The following PLD2 variants were observed in gnomAD, a reference collection of about 807,000 sequenced individuals.
The protein encoded by PLD2 is phospholipase D2.
In PLD2, 101 loss-of-function variants were observed where a neutral mutation model predicts 119.8. That is an observed-to-expected ratio of 0.84 (90% CI 0.72 to 0.99). The LOEUF (loss-of-function observed/expected upper bound fraction) is 0.99. Among genes scored for constraint, PLD2 ranks in the 50% least tolerant of loss-of-function variants. The probability of loss-of-function intolerance (pLI) is 0.00; values close to 1 mark genes in which losing one functional copy is unlikely to be tolerated. For synonymous variants in PLD2, 494 were observed against 482.8 expected, an observed-to-expected ratio of 1.02 and a Z score of -0.30; for missense variants, 1,164 against 1,226.8, an observed-to-expected ratio of 0.95 and a Z score of 0.76.
At chr17:4,812,585 A>G (rs1270125553) in intron 10 of PLD2, among the ~76,000 whole-genome samples, 2 of 152,008 alleles carry the variant, frequency 1.3e-5, no homozygotes, top group Admixed American at 1.3e-4. Context: ...GAGCCACTGC[A>G]CCTGGCTATA....
intron 23 of PLD2, among the ~76,000 whole-genome samples, chr17:4,820,180 GTGATCCACCCA>G (rs1907503910): frequency 6.6e-6 from 1 of 151,916 alleles, no homozygotes; most frequent in African/African-American, 2.4e-5. Context: ...CCGACCTCAG[GTGATCCACCCA>G]CTTCAGCATT....
intron 23 of PLD2, among the ~76,000 whole-genome samples, chr17:4,820,261 T>C (rs72835006): frequency 6.8e-6 from 1 of 147,970 alleles, no homozygotes; most frequent in East Asian, 2.0e-4. Context: ...AGAAATCTTT[T>C]TTGTTGTTGT....
chr17:4,815,239 G>T lies in PLD2; in HGVS notation c.1174-237G>T, dbSNP rs114678217. Among the ~76,000 whole-genome samples the T allele has an allele frequency of 3.4e-3, 520 of 152,182 alleles. 6 individuals carry two copies. Among genetic ancestry groups the T allele is most frequent in the African/African-American group, 0.012 (497 of 41,510 alleles). On this transcript the variant is annotated intron_variant, in intron 12 of 24. Transcript: ENST00000263088. ...CATAAAGGGATGAGTAAATGCTTGG[G>T]AAGATGGATGGATGGATGATGAAGG... is the stretch of plus-strand genomic sequence containing the variant.
chr17:4,811,512 G>A (rs1183375316), intron 10 of PLD2, among the ~76,000 whole-genome samples: 7 of 151,878 alleles, frequency 4.6e-5, no homozygotes, highest in Non-Finnish European at 1.0e-4. Flanking sequence ...TCCTGACCTC[G>A]GGTGATCCGC....
At position 4,823,146 on chromosome 17, in the gene PLD2, G is replaced by T. The variant is rs889841166; in HGVS notation, c.*282G>T. On this transcript the variant is annotated 3_prime_UTR_variant, in exon 25 of 25. Coordinates refer to ENST00000263088, the MANE Select transcript of PLD2 (RefSeq NM_002663.5). ...GCTGCAAAGGAGAAGCACAGCTCCT[G>T]CCAGGGTGAGCAGGGTCAAGCCTCT... 8.3e-6 allele frequency: 3 copies of T among 361,572 alleles called. No homozygotes were observed. Among genetic ancestry groups the T allele is most frequent in the Non-Finnish European group, 1.5e-5 (3 of 200,108 alleles). The allele number at this position is 361,572 out of a possible 1,614,324, so 22.4% of individuals were successfully genotyped here.
At chr17:4,817,365 T>C in intron 17 of PLD2, 106 bp downstream of exon 17, 1 of 827,146 alleles carries the variant, frequency 1.2e-6, no homozygotes, top group Non-Finnish European at 2.1e-6. Context: ...TTTCCTGGGG[T>C]TAAGAAGCAC....
rs772407427 is a variant in PLD2 at position 4,808,373 on chromosome 17, C to A, written c.340C>A (p.Leu114Ile). Residue 114 changes from leucine to isoleucine, a missense_variant, in exon 4 of 25, where the codon CTC becomes ATC. Transcript: ENST00000263088. This position sits in a 1 kb window ranked among gnomAD's most constrained non-coding sequence, Gnocchi z 4.1. ...YRHFQELHRD[L>I]LRHKVLMSLL... ...TCATTTTCAGGAGCTGCATCGGGAC[C>A]TCCTGAGACACAAAGTCTTGATGAG... 3 of 1,613,954 alleles carry A rather than the reference C, an allele frequency of 1.9e-6. No homozygotes were observed. Among genetic ancestry groups the A allele is most frequent in the South Asian group, 2.2e-5 (2 of 91,082 alleles).
intron 5 of PLD2, 30 bp from the exon 6 acceptor site, chr17:4,809,268 G>GTC (rs59096986): frequency 0.018 from 27,325 of 1,559,874 alleles, 113 homozygotes; most frequent in East Asian, 0.06. Flanking sequence ...GGTCCCATCT[G>GTC]TCTCTCTCTC....
chr17:4,818,418 G>A (rs371398625), intron 19 of PLD2, 33 bp downstream of exon 19: 33 of 1,611,058 alleles, frequency 2.0e-5, no homozygotes. Context: ...TGGGGACTGT[G>A]GGTGTGGTTT....
chr17:4,822,052 A>C (rs1907730316), intron 24 of PLD2, 145 bp downstream of exon 24: 2 of 601,462 alleles, frequency 3.3e-6, no homozygotes, highest in Admixed American at 5.5e-5. Flanking sequence ...CAAGAGATTT[A>C]GTGGCCCAGG....
chr17:4,818,457 G>A (rs1271403734), intron 19 of PLD2, 37 bp from the exon 20 acceptor site: 2 of 1,601,808 alleles, frequency 1.2e-6, no homozygotes, highest in South Asian at 1.1e-5. Flanking sequence ...TGGGGTTTGA[G>A]GGACCAGTCG....
chr17:4,810,791 T>C lies in PLD2; in HGVS notation c.861-11T>C. ...GCGAGGATTTATGGACATCTCATCG[T>C]TCCCATCCAGGTCCTTGATTCTCAA... On this transcript the variant is annotated splice_polypyrimidine_tract_variant and intron_variant, in intron 9 of 24. Transcript: ENST00000263088. 3 of 1,607,516 alleles carry C rather than the reference T, an allele frequency of 1.9e-6. No individual in the cohort carries two copies. The highest frequency in any genetic ancestry group is 2.6e-6 in the Non-Finnish European group (3 of 1,176,230).
At chr17:4,816,809 T>C (rs1907022818) in intron 15 of PLD2, 63 bp downstream of exon 15, 1 of 1,611,870 alleles carries the variant, frequency 6.2e-7, no homozygotes, top group East Asian at 2.2e-5. Context: ...CTGGGGCTGG[T>C]ACTGAGAGTG....
intron 17 of PLD2, among the ~76,000 whole-genome samples, chr17:4,817,619 G>A (rs1422510162): frequency 2.0e-5 from 3 of 150,826 alleles, no homozygotes; most frequent in Non-Finnish European, 2.9e-5. Context: ...CTGAGATCAC[G>A]CCACTGCACT....
chr17:4,822,757 G>C lies in PLD2; in HGVS notation c.2695G>C (p.Val899Leu). 2 of 1,613,918 alleles carry C rather than the reference G, an allele frequency of 1.2e-6. No homozygotes were observed. The highest frequency in any genetic ancestry group is 1.7e-6 in the Non-Finnish European group (2 of 1,179,782). ...PPLARSELTQ[V>L]QGHLVHFPLK... ...CTTGGCTCGGTCTGAGCTCACCCAG[G>C]TCCAGGGCCACCTGGTCCACTTCCC... The change falls in exon 25 of 25, where the codon GTC (valine) becomes CTC (leucine). Residue 899 changes from valine (V) to leucine (L), a missense_variant. By Grantham distance (32) the Val-to-Leu change is conservative (BLOSUM62 1). Transcript: ENST00000263088.
intron 10 of PLD2, 68 bp downstream of exon 10, chr17:4,811,019 C>T: frequency 6.8e-7 from 1 of 1,466,812 alleles, no homozygotes; most frequent in Non-Finnish European, 9.2e-7. Context: ...TCTCTGAGTC[C>T]TTCATCCTCT....
chr17:4,822,188 C>CA (rs140095160), intron 24 of PLD2, among the ~76,000 whole-genome samples: 2,547 of 151,936 alleles, frequency 0.017, 60 homozygotes, highest in African/African-American at 0.056. Flanking sequence ...ACTAAAAATA[C>CA]AAAAAAATTA....
chr17:4,809,873 C>CT lies in PLD2; in HGVS notation c.708-3dup, dbSNP rs749433848. 6.2e-7 allele frequency: 1 copy of CT among 1,614,152 alleles called. No homozygotes were observed. On this transcript the variant is annotated splice_polypyrimidine_tract_variant and splice_region_variant and intron_variant, in intron 8 of 24. Coordinates refer to ENST00000263088, the MANE Select transcript of PLD2 (RefSeq NM_002663.5). ...GAGGAACACACGGAGCCCTTCTGCT[C>CT]TAGGTGGCTGGTGGTGAAGGACTCC...
chr17:4,821,685 G>A (rs1907682171), intron 23 of PLD2, 108 bp from the exon 24 acceptor site: 14 of 746,116 alleles, frequency 1.9e-5, no homozygotes, highest in South Asian at 9.3e-5. Flanking sequence ...GTGAGCCACC[G>A]CACCCAGCCA....
Sources: allele counts gnomAD v4.1 joint callset (sites outside exome capture counted in the v4.1 genomes callset), GRCh38; gene constraint gnomAD v4.1.1; non-coding constraint Gnocchi (gnomAD v3.1); transcripts MANE v1.5; gene names NCBI Gene and HGNC (gene_info 2026-07-23, HGNC 2026-07-21).